BPIFB3: variants seen among roughly 807,000 people sequenced by gnomAD.
BPIFB3 encodes the protein BPI fold containing family B member 3.
BPIFB3 carries 49 observed loss-of-function variants against 53.1 expected under a neutral mutation model. That is an observed-to-expected ratio of 0.92 (90% CI 0.73 to 1.17). The LOEUF is 1.17. BPIFB3 is among the 50% of genes most tolerant of loss of function. BPIFB3 has a pLI of 0.00. For synonymous variants in BPIFB3, 271 were observed against 269.6 expected (o/e 1.01, Z -0.05); for missense variants, 628 against 592.5 (o/e 1.06, Z -0.62).
intron 2 of BPIFB3, among the ~76,000 whole-genome samples, chr20:33,058,190 A>G (rs1245581975): frequency 1.3e-5 from 2 of 152,260 alleles, no homozygotes; most frequent in African/African-American, 4.8e-5. Flanking sequence ...AGCCCAGTGT[A>G]TGGAGAAGAG....
At chr20:33,065,934 G>T (rs1980653361) in intron 8 of BPIFB3, among the ~76,000 whole-genome samples, 1 of 152,228 alleles carries the variant, frequency 6.6e-6, no homozygotes, top group East Asian at 1.9e-4. Context: ...GGGGATGGGG[G>T]TAGTCATAGC....
chr20:33,068,466 G>C (rs927666139), intron 9 of BPIFB3, among the ~76,000 whole-genome samples: 4 of 152,228 alleles, frequency 2.6e-5, no homozygotes, highest in African/African-American at 9.7e-5. Context: ...GCAGCCACGT[G>C]GCCAGTGAGT....
chr20:33,059,673 G>A (rs551965018), intron 3 of BPIFB3, among the ~76,000 whole-genome samples, 191 bp downstream of exon 4: 1 of 151,972 alleles, frequency 6.6e-6, no homozygotes. Flanking sequence ...CCCTTCCCCA[G>A]GGACTTCCAT....
intron 2 of BPIFB3, among the ~76,000 whole-genome samples, chr20:33,057,108 G>A (rs1261713204): frequency 6.6e-6 from 1 of 152,202 alleles, no homozygotes; most frequent in African/African-American, 2.4e-5. Context: ...AACCCCAGGA[G>A]GGGTAGGATT....
intron 8 of BPIFB3, among the ~76,000 whole-genome samples, chr20:33,066,210 A>G (rs1372379724): frequency 1.3e-5 from 2 of 152,176 alleles, no homozygotes; most frequent in East Asian, 1.9e-4. Context: ...TGATGGGACT[A>G]TAGTGAACTG....
intron 1 of BPIFB3, among the ~76,000 whole-genome samples, 187 bp downstream of exon 2, chr20:33,055,734 G>A (rs1193822792): frequency 1.3e-5 from 2 of 152,212 alleles, no homozygotes; most frequent in African/African-American, 2.4e-5. Context: ...AATGGGCGAT[G>A]AATTCCCTCT....
chr20:33,066,975 G>A, intron 9 of BPIFB3, 98 bp downstream of exon 10: 1 of 1,251,230 alleles, frequency 8.0e-7, no homozygotes. Flanking sequence ...CCAGGCAACT[G>A]CAATTGAACA....
chr20:33,055,645 G>T, intron 1 of BPIFB3, 98 bp downstream of exon 2: 2 of 1,547,472 alleles, frequency 1.3e-6, no homozygotes, highest in Non-Finnish European at 1.8e-6. Context: ...ATAAGAGCAG[G>T]TTGTGATTCT....
Position 33,060,497 on chromosome 20 carries a change from A to G in BPIFB3, c.527+466A>G, listed in dbSNP as rs1980409637. Among the ~76,000 whole-genome samples the G allele has an allele frequency of 1.3e-5, 2 of 151,990 alleles. 1 individual carries two copies. The highest frequency in any genetic ancestry group is 2.9e-5 in the Non-Finnish European group (2 of 67,984). On this transcript the variant is annotated intron_variant, in intron 4 of 14. Coordinates refer to ENST00000375494, the Ensembl canonical transcript of BPIFB3. ...ATTTGATGATTCGGAAGGGGCTGTG[A>G]CTTCAGTCTCTTCCCAGGATCTGTC...
At chr20:33,070,758 T>C (rs1025262378) in intron 11 of BPIFB3, among the ~76,000 whole-genome samples, 5 of 151,868 alleles carry the variant, frequency 3.3e-5, no homozygotes, top group Non-Finnish European at 1.5e-5. Context: ...CCGACTTTGA[T>C]GGAGGGCCTC....
At chr20:33,065,601 A>AAGGAAG (rs1568995143) in intron 8 of BPIFB3, among the ~76,000 whole-genome samples, 1 of 151,068 alleles carries the variant, frequency 6.6e-6, no homozygotes, top group African/African-American at 2.4e-5. Context: ...AAGGAAGGAA[A>AAGGAAG]GAAGGAAGGA....
At chr20:33,064,888 C>T (rs574294172) in intron 8 of BPIFB3, 43 bp downstream of exon 9, 1 of 1,585,090 alleles carries the variant, frequency 6.3e-7, no homozygotes, top group South Asian at 1.1e-5. Context: ...GCTCCTTGCC[C>T]TGCTGTGCCT....
At chr20:33,061,862 C>T (rs1284808842) in intron 5 of BPIFB3, 31 bp downstream of exon 6, 1 of 1,611,878 alleles carries the variant, frequency 6.2e-7, no homozygotes, top group South Asian at 1.1e-5. Flanking sequence ...CCAGCATGCC[C>T]TCTCCCAGGA....
In BPIFB3 at chr20:33,072,068, AGCACCACCCCCACCACCCTGTGTGT is replaced by A; in HGVS notation, c.1261-35_1261-11del. On this transcript the variant is annotated splice_polypyrimidine_tract_variant and intron_variant, in intron 12 of 14. Transcript: ENST00000375494. ...TGCTGCCTGTAAAGCCACACCCCAGAGCACCACCCCCACCACCCTGTGTGTTCTGTTGCAGGGATCGCGTTTAGAA... is the reference window on the plus strand; with the variant it reads ...TGCTGCCTGTAAAGCCACACCCCAGATCTGTTGCAGGGATCGCGTTTAGAA... 6.2e-7 allele frequency: 1 copy of A among 1,611,828 alleles called. No homozygotes were observed. The highest frequency in any genetic ancestry group is 8.5e-7 in the Non-Finnish European group (1 of 1,178,010).
intron 3 of BPIFB3, 22 bp from the exon 5 acceptor site, chr20:33,059,869 C>A (rs1600537730): frequency 6.2e-7 from 1 of 1,611,498 alleles, no homozygotes; most frequent in East Asian, 2.2e-5. Context: ...CCTGGCCACA[C>A]CCCCAGTGTC....
At position 33,064,453 on chromosome 20, in the gene BPIFB3, G is replaced by A. The variant is rs368565914; in HGVS notation, c.653-4G>A. The A allele has an allele frequency of 2.0e-4, 316 of 1,613,248 alleles. No homozygotes were observed. The highest frequency in any genetic ancestry group is 2.4e-4 in the Non-Finnish European group (286 of 1,179,412). ...GTCGTTCTCGCCCCCACTTTCCCAC[G>A]CAGGCCTGGTGTCCCTTGGGGCTCT... On this transcript the variant is annotated splice_region_variant and splice_polypyrimidine_tract_variant and intron_variant, in intron 6 of 14. Coordinates refer to ENST00000375494, the Ensembl canonical transcript of BPIFB3.
rs142191269 is a variant in BPIFB3, at chr20:33,072,795, T to C, written c.1401+2T>C. 2 of 1,611,420 alleles carry C rather than the reference T, an allele frequency of 1.2e-6. No individual in the cohort carries two copies. Among genetic ancestry groups the C allele is most frequent in the Non-Finnish European group, 1.7e-6 (2 of 1,177,498 alleles). ...AATTCAGTTCTGGAGATCGTAGAGG[T>C]GAGCCTTCTCTGCAGATACGGCCCA... On this transcript the variant is annotated splice_donor_variant, in intron 14 of 14. Transcript: ENST00000375494. LOFTEE classifies it high-confidence loss of function.
At chr20:33,060,643 C>T (rs2047210347) in intron 4 of BPIFB3, among the ~76,000 whole-genome samples, 2 of 152,148 alleles carry the variant, frequency 1.3e-5, no homozygotes, top group Non-Finnish European at 2.9e-5. Context: ...CATCTCGGCT[C>T]ACTGCAACCT....
At chr20:33,071,105 G>A (rs1980864786) in intron 11 of BPIFB3, 148 bp from the exon 13 acceptor site, 1 of 833,578 alleles carries the variant, frequency 1.2e-6, no homozygotes, top group Non-Finnish European at 1.8e-6. Context: ...TAGGAAAACT[G>A]AGTCTCTGAG....
Sources: gnomAD v4.1 joint callset for allele counts (sites outside exome capture counted in the v4.1 genomes callset) on GRCh38, gnomAD v4.1.1 for gene constraint, MANE v1.5 for transcripts, NCBI Gene and HGNC (gene_info 2026-07-23, HGNC 2026-07-21) for gene names.